Variants in MRPL1 observed in about 807,000 individuals in gnomAD.
The protein encoded by MRPL1 is mitochondrial ribosomal protein L1.
In MRPL1, 28 loss-of-function variants were observed where a neutral mutation model predicts 38.0. That is an observed-to-expected ratio of 0.74 (90% confidence interval 0.55 to 1.01). The LOEUF is 1.01. Ranked by LOEUF, MRPL1 falls within the 50% of genes least tolerant of loss-of-function variation. MRPL1 has a pLI of 0.00. For synonymous variants in MRPL1, 123 were observed against 126.7 expected (o/e 0.97, Z 0.20); for missense variants, 358 against 389.8 (o/e 0.92, Z 0.69).
At chr4:77,889,736 A>C (rs1264653922) in intron 5 of MRPL1, among the ~76,000 whole-genome samples, 4 of 152,200 alleles carry the variant, frequency 2.6e-5, no homozygotes, top group Non-Finnish European at 5.9e-5. Flanking sequence ...GATCGCTAAC[A>C]AGACTAATAC....
chr4:77,891,286 CT>C (rs2110239227), intron 5 of MRPL1, among the ~76,000 whole-genome samples: 1 of 146,590 alleles, frequency 6.8e-6, no homozygotes, highest in Admixed American at 7.0e-5. Context: ...CTATTTTCTT[CT>C]TGCAACCACT....
At chr4:77,872,239 C>T (rs1735296822) in intron 2 of MRPL1, among the ~76,000 whole-genome samples, 1 of 152,114 alleles carries the variant, frequency 6.6e-6, no homozygotes, top group African/African-American at 2.4e-5. Context: ...TATGCTTTCG[C>T]TGCCTTTTTA....
chr4:77,863,014 G>T, intron 1 of MRPL1, 135 bp downstream of exon 1: 2 of 1,100,420 alleles, frequency 1.8e-6, no homozygotes, highest in Non-Finnish European at 2.7e-6. Context: ...TTTTCAGAGG[G>T]TGGGTCATTA....
At chr4:77,904,174 G>C (rs1736101437) in intron 6 of MRPL1, among the ~76,000 whole-genome samples, 1 of 151,890 alleles carries the variant, frequency 6.6e-6, no homozygotes, top group Admixed American at 6.6e-5. Flanking sequence ...TCAAGCCCAG[G>C]AGATTGAGGC....
At chr4:77,949,046 C>T (rs923241919) in intron 7 of MRPL1, among the ~76,000 whole-genome samples, 28 of 152,296 alleles carry the variant, frequency 1.8e-4, no homozygotes, top group African/African-American at 6.3e-4. Flanking sequence ...GCTGGGATTA[C>T]AGGCGTGAGC....
rs72652560 is a variant in MRPL1, at chr4:77,905,116, A to G, written c.671-4150A>G. Among the ~76,000 whole-genome samples the G allele has an allele frequency of 9.9e-4, 151 of 152,352 alleles. 2 individuals carry two copies. Among genetic ancestry groups the G allele is most frequent in the Admixed American group, 6.0e-3 (92 of 15,302 alleles). ...TAGCTCTGAACAAGAACCTGTATCC[A>G]TAATATATAAAGAACTCATAACTCA... On this transcript the variant is annotated intron_variant, in intron 6 of 8. Coordinates refer to ENST00000315567, the MANE Select transcript of MRPL1 (RefSeq NM_020236.4).
At chr4:77,874,252 C>T (rs757886849) in intron 2 of MRPL1, among the ~76,000 whole-genome samples, 1 of 152,144 alleles carries the variant, frequency 6.6e-6, no homozygotes, top group African/African-American at 2.4e-5. Flanking sequence ...TCCCAAAGTG[C>T]TGGGATTACA....
intron 2 of MRPL1, among the ~76,000 whole-genome samples, chr4:77,880,461 C>T (rs867744903): frequency 6.7e-6 from 1 of 149,424 alleles, no homozygotes; most frequent in South Asian, 2.1e-4. Context: ...AACTCTCCAT[C>T]TCAAGGTCTT....
At chr4:77,880,166 C>T (rs575696757) in intron 2 of MRPL1, among the ~76,000 whole-genome samples, 4 of 152,242 alleles carry the variant, frequency 2.6e-5, no homozygotes, top group South Asian at 2.1e-4. Context: ...GTTCAGTAGG[C>T]GAGTAGTCTG....
At chr4:77,947,161 G>A (rs1330592003) in intron 7 of MRPL1, among the ~76,000 whole-genome samples, 2 of 152,166 alleles carry the variant, frequency 1.3e-5, no homozygotes, top group African/African-American at 4.8e-5. Flanking sequence ...TGTGTCCACT[G>A]AGCCACTACC....
chr4:77,913,521 T>C (rs894034564), intron 7 of MRPL1, among the ~76,000 whole-genome samples: 1 of 152,208 alleles, frequency 6.6e-6, no homozygotes, highest in African/African-American at 2.4e-5. Flanking sequence ...GCGGTGGGAC[T>C]TGAGCACTCT....
At chr4:77,891,158 T>TA (rs1218109796) in intron 5 of MRPL1, among the ~76,000 whole-genome samples, 1 of 151,962 alleles carries the variant, frequency 6.6e-6, no homozygotes, top group East Asian at 1.9e-4. Flanking sequence ...TAATTTTAAT[T>TA]AAAAAATTAT....
intron 4 of MRPL1, among the ~76,000 whole-genome samples, chr4:77,886,716 A>G (rs541520100): frequency 4.0e-5 from 6 of 151,474 alleles, no homozygotes; most frequent in East Asian, 1.9e-4. Context: ...CCTGGCTTCA[A>G]GTGATCCTCT....
intron 7 of MRPL1, among the ~76,000 whole-genome samples, chr4:77,937,177 T>G (rs2110262767): frequency 6.6e-6 from 1 of 152,108 alleles, no homozygotes; most frequent in South Asian, 2.1e-4. Context: ...GACATCATTT[T>G]CTTCATTCTC....
intron 3 of MRPL1, 113 bp from the exon 4 acceptor site, chr4:77,885,143 T>C (rs1379839249): frequency 1.7e-5 from 12 of 719,742 alleles, no homozygotes; most frequent in Non-Finnish European, 2.4e-5. Flanking sequence ...TGGAAGAACA[T>C]AGAGTAGAAT....
chr4:77,923,501 AACTT>A (rs1324305646), intron 7 of MRPL1, among the ~76,000 whole-genome samples: 4 of 152,206 alleles, frequency 2.6e-5, no homozygotes, highest in African/African-American at 9.7e-5. Context: ...ATAACATACT[AACTT>A]ATATCCAACT....
intron 7 of MRPL1, among the ~76,000 whole-genome samples, chr4:77,918,899 AAAC>A (rs1209902750): frequency 1.3e-5 from 2 of 152,316 alleles, no homozygotes; most frequent in East Asian, 1.9e-4. Context: ...AGAAATTATT[AAAC>A]AACATTTCAA....
chr4:77,911,270 G>A (rs1330885174), intron 7 of MRPL1, among the ~76,000 whole-genome samples: 1 of 152,066 alleles, frequency 6.6e-6, no homozygotes, highest in Non-Finnish European at 1.5e-5. Flanking sequence ...CTTAAGTAAT[G>A]TTTTCAGTAT....
chr4:77,949,795 A>C lies in MRPL1; in HGVS notation c.778-2A>C. The C allele has an allele frequency of 6.3e-7, 1 of 1,587,032 alleles. No homozygotes were observed. Among genetic ancestry groups the C allele is most frequent in the South Asian group, 1.1e-5 (1 of 89,680 alleles). ...AATGTTATGTATATTATTTTCTTTC[A>C]GTTGGATATGTCAAGTGACCAGATA... On this transcript the variant is annotated splice_acceptor_variant, in intron 7 of 8. Coordinates refer to ENST00000315567, the MANE Select transcript of MRPL1 (RefSeq NM_020236.4). LOFTEE classifies it high-confidence loss of function.
Sources: allele counts gnomAD v4.1 joint callset (sites outside exome capture counted in the v4.1 genomes callset), GRCh38; gene constraint gnomAD v4.1.1; transcripts MANE v1.5; gene names NCBI Gene and HGNC (gene_info 2026-07-23, HGNC 2026-07-21).